NR2F1-AS1: variants seen among roughly 807,000 people sequenced by gnomAD.
NR2F1-AS1 encodes NR2F1 regulatory antisense RNA 1, also known as NR2F1 antisense RNA 1.
intron 4 of NR2F1-AS1, among the ~76,000 whole-genome samples, chr5:93,414,510 T>C (rs1249115286): frequency 1.3e-5 from 2 of 152,152 alleles, no homozygotes; most frequent in Non-Finnish European, 1.5e-5. Flanking sequence ...GTCTGTGCCT[T>C]GGTGAGAGTG....
chr5:93,543,185 T>C (rs751619498), intron 4 of NR2F1-AS1: 7 of 152,142 alleles, frequency 4.6e-5, no homozygotes, highest in Non-Finnish European at 1.0e-4. Context: ...ACTCTCCAAA[T>C]AATTTTGCAA....
At chr5:93,548,643 A>G (rs994435951) in intron 4 of NR2F1-AS1, among the ~76,000 whole-genome samples, 14 of 152,076 alleles carry the variant, frequency 9.2e-5, no homozygotes, top group African/African-American at 3.4e-4. Flanking sequence ...TGGGTGGATC[A>G]TTTGAGATCA....
At chr5:93,534,866 C>G (rs1237345989) in intron 4 of NR2F1-AS1, among the ~76,000 whole-genome samples, 1 of 152,182 alleles carries the variant, frequency 6.6e-6, no homozygotes, top group East Asian at 1.9e-4. Context: ...TTAGGCTAGG[C>G]ATATTACATC....
chr5:93,581,521 G>C (rs1035868217), upstream of NR2F1-AS1, among the ~76,000 whole-genome samples: 2 of 152,104 alleles, frequency 1.3e-5, no homozygotes, highest in African/African-American at 4.8e-5. Context: ...GGAGGGACTC[G>C]GCTGTGTGCC....
At chr5:93,581,676 CTCTCTCT>C (rs1753041689), upstream of NR2F1-AS1, among the ~76,000 whole-genome samples, 1 of 30,432 alleles carries the variant, frequency 3.3e-5, no homozygotes, top group Non-Finnish European at 6.6e-5. Flanking sequence ...CGGTCTCTCT[CTCTCTCT>C]CTCTCTCTCT....
intron 4 of NR2F1-AS1, among the ~76,000 whole-genome samples, chr5:93,470,889 G>GA: frequency 6.6e-6 from 1 of 151,714 alleles, no homozygotes; most frequent in Middle Eastern, 3.4e-3. Flanking sequence ...TTGCTCATTA[G>GA]AAAAATCTCA....
intron 4 of NR2F1-AS1, among the ~76,000 whole-genome samples, chr5:93,479,861 AAC>A (rs1045572818): frequency 5.9e-5 from 9 of 152,132 alleles, no homozygotes; most frequent in Non-Finnish European, 1.3e-4. Context: ...TTTTAAAAAG[AAC>A]ACAGTAGAAA....
At chr5:93,518,055 G>A (rs901670160) in intron 4 of NR2F1-AS1, among the ~76,000 whole-genome samples, 1 of 152,036 alleles carries the variant, frequency 6.6e-6, no homozygotes, top group African/African-American at 2.4e-5. Context: ...TCAGCCTCTT[G>A]AGTAACTAGT....
At chr5:93,451,540 C>T (rs185803781) in intron 4 of NR2F1-AS1, among the ~76,000 whole-genome samples, 158 of 152,094 alleles carry the variant, frequency 1.0e-3, no homozygotes, top group Non-Finnish European at 2.0e-3. Context: ...GTAGCTGGGA[C>T]CACAAGCATG....
chr5:93,468,978 A>T (rs918457622), intron 4 of NR2F1-AS1, among the ~76,000 whole-genome samples: 2 of 152,096 alleles, frequency 1.3e-5, no homozygotes, highest in African/African-American at 4.8e-5. Flanking sequence ...GTTATTTCTG[A>T]GGCCTCTGTT....
chr5:93,466,905 G>GC lies in NR2F1-AS1; in HGVS notation n.639-71364_639-71363insG, dbSNP rs1033387602. Among the ~76,000 whole-genome samples the GC allele has an allele frequency of 1.4e-4, 3 of 21,614 alleles. 1 individual carries two copies. The highest frequency in any genetic ancestry group is 1.2e-3 in the Admixed American group (2 of 1,692). The allele number at this position is 21,614 out of a possible 152,430, so 14.2% of individuals were successfully genotyped here. A position where few individuals can be genotyped will look rare whatever the true frequency, so the allele number is the denominator to read the frequency against. ...TCCTTCTCCAGAATATCCCTTTTTT[G>GC]GGGGGGGGGGGGGTGGACGGAGTCT... On this transcript the variant is annotated intron_variant and non_coding_transcript_variant, in intron 4 of 5. Coordinates refer to ENST00000660523, the Ensembl canonical transcript of NR2F1-AS1.
chr5:93,584,635 G>T (rs1273448386), upstream of NR2F1-AS1: 2 of 148,524 alleles, frequency 1.3e-5, no homozygotes, highest in Non-Finnish European at 3.0e-5. Flanking sequence ...TGGGGAGGGG[G>T]GAAGGAGAGC....
chr5:93,484,016 G>T (rs1047323213), intron 4 of NR2F1-AS1, among the ~76,000 whole-genome samples: 1 of 152,146 alleles, frequency 6.6e-6, no homozygotes, highest in African/African-American at 2.4e-5. Context: ...AACCAAGTTG[G>T]AAAACATGCT....
intron 4 of NR2F1-AS1, among the ~76,000 whole-genome samples, chr5:93,443,828 C>A (rs1312607211): frequency 6.6e-6 from 1 of 152,206 alleles, no homozygotes; most frequent in Non-Finnish European, 1.5e-5. Flanking sequence ...CAAAGGCAAG[C>A]CCATCAGACT....
intron 4 of NR2F1-AS1, among the ~76,000 whole-genome samples, chr5:93,510,622 C>T (rs1268476785): frequency 6.6e-6 from 1 of 152,010 alleles, no homozygotes; most frequent in Non-Finnish European, 1.5e-5. Flanking sequence ...TTTAGATATC[C>T]CAAGACTCTG....
At chr5:93,553,126 C>CTTT (rs759720424) in intron 4 of NR2F1-AS1, among the ~76,000 whole-genome samples, 4 of 133,762 alleles carry the variant, frequency 3.0e-5, no homozygotes, top group Non-Finnish European at 4.8e-5. Flanking sequence ...CAGTAATACA[C>CTTT]TTTTTTTTTT....
intron 4 of NR2F1-AS1, among the ~76,000 whole-genome samples, chr5:93,488,951 A>G (rs1460239029): frequency 6.6e-6 from 1 of 152,170 alleles, no homozygotes; most frequent in Admixed American, 6.5e-5. Flanking sequence ...CTTTGCAGTG[A>G]CATGGATGAT....
intron 4 of NR2F1-AS1, chr5:93,544,865 A>G (rs574954192): frequency 1.4e-5 from 2 of 145,130 alleles, no homozygotes; most frequent in Non-Finnish European, 3.0e-5. Context: ...TGTTGCGCTG[A>G]GCCGAGGTTG....
intron 4 of NR2F1-AS1, among the ~76,000 whole-genome samples, chr5:93,506,181 T>C (rs2149888428): frequency 6.6e-6 from 1 of 152,320 alleles, no homozygotes; most frequent in Non-Finnish European, 1.5e-5. Flanking sequence ...TGCTAAAACG[T>C]AACAAGAGTC....
Sources: allele counts gnomAD v4.1 joint callset (sites outside exome capture counted in the v4.1 genomes callset), GRCh38; gene constraint gnomAD v4.1.1; transcripts MANE v1.5; gene names NCBI Gene and HGNC (gene_info 2026-07-23, HGNC 2026-07-21).